The following NWD1 variants were observed in gnomAD, a reference collection of about 807,000 sequenced individuals.
NWD1 encodes the protein NACHT and WD repeat domain containing 1.
NWD1 carries 129 observed loss-of-function variants against 135.1 expected under a neutral mutation model. The ratio of observed to expected loss-of-function variants is 0.96; its 90% CI spans 0.83 to 1.11. The LOEUF (loss-of-function observed/expected upper bound fraction) is 1.11. Ranked by LOEUF, NWD1 falls within the 50% of genes least tolerant of loss-of-function variation. The pLI, the probability that NWD1 is intolerant of heterozygous loss-of-function variation, is 0.00. For synonymous variants in NWD1, 773 were observed against 786.0 expected (o/e 0.98, Z 0.28); for missense variants, 1,740 against 1,851.3 (o/e 0.94, Z 1.10).
intron 13 of NWD1, among the ~76,000 whole-genome samples, chr19:16,790,986 C>T (rs1378335892): frequency 1.3e-5 from 2 of 152,128 alleles, no homozygotes; most frequent in East Asian, 1.9e-4. Flanking sequence ...AATCCCAGCA[C>T]TTTGAGAGGC....
At chr19:16,721,311 T>C (rs2122648511) in intron 1 of NWD1, 1 of 152,060 alleles carries the variant, frequency 6.6e-6, no homozygotes, top group Admixed American at 6.6e-5. Context: ...CATACTGAGA[T>C]GGAGGAAGTC....
chr19:16,721,210 C>G (rs561696818), intron 1 of NWD1, among the ~76,000 whole-genome samples: 4 of 151,912 alleles, frequency 2.6e-5, no homozygotes, highest in African/African-American at 9.7e-5. Context: ...CTGTTGAAAT[C>G]TAGTGGGTGG....
intron 6 of NWD1, among the ~76,000 whole-genome samples, chr19:16,757,305 A>G (rs978047212): frequency 6.6e-6 from 1 of 152,226 alleles, no homozygotes; most frequent in South Asian, 2.1e-4. Context: ...TGCGAGCCCA[A>G]GAAACGCTGC....
At chr19:16,737,131 C>G (rs1390920216) in intron 4 of NWD1, among the ~76,000 whole-genome samples, 1 of 152,038 alleles carries the variant, frequency 6.6e-6, no homozygotes, top group Non-Finnish European at 1.5e-5. Flanking sequence ...TTTTTTTCCT[C>G]CATGTGCCCA....
intron 6 of NWD1, among the ~76,000 whole-genome samples, chr19:16,755,653 G>T (rs1308688161): frequency 6.6e-6 from 1 of 151,986 alleles, no homozygotes; most frequent in African/African-American, 2.4e-5. Context: ...CTCCCAAAGT[G>T]CTAGGATTAC....
At position 16,804,594 on chromosome 19, in the gene NWD1, G is replaced by GTTTTTT. The variant is rs561345788; in HGVS notation, c.3737-2986_3737-2981dup. ...TGGGCAACAGAGACCCTGTCTCTCT[G>GTTTTTT]TTTTTTTTTTTAATTTAAAGAAAGA... On this transcript the variant is annotated intron_variant, in intron 17 of 18. Transcript: ENST00000524140. Among the ~76,000 whole-genome samples the GTTTTTT allele has an allele frequency of 6.5e-3, 945 of 146,238 alleles. 3 individuals carry two copies. The highest frequency in any genetic ancestry group is 9.8e-3 in the Non-Finnish European group (650 of 66,120).
chr19:16,732,944 G>T (rs563093027), intron 3 of NWD1, among the ~76,000 whole-genome samples: 2 of 152,132 alleles, frequency 1.3e-5, no homozygotes, highest in African/African-American at 4.8e-5. Context: ...AGATGAGGCC[G>T]GGCACAGTGG....
intron 10 of NWD1, among the ~76,000 whole-genome samples, chr19:16,770,184 C>T (rs1969366430): frequency 6.6e-6 from 1 of 152,156 alleles, no homozygotes; most frequent in Non-Finnish European, 1.5e-5. Context: ...AATTGTATTT[C>T]CCATAATCCC....
intron 4 of NWD1, among the ~76,000 whole-genome samples, chr19:16,739,908 C>T (rs931726364): frequency 6.6e-6 from 1 of 151,930 alleles, no homozygotes; most frequent in Non-Finnish European, 1.5e-5. Context: ...TGTTTTTTAC[C>T]ACCTGTTTCC....
At chr19:16,795,231 C>A (rs1034890488) in intron 15 of NWD1, among the ~76,000 whole-genome samples, 1 of 152,188 alleles carries the variant, frequency 6.6e-6, no homozygotes, top group Non-Finnish European at 1.5e-5. Context: ...GAGCACTCAG[C>A]CCCTAGCAGG....
At chr19:16,802,726 C>T (rs1970639837) in intron 17 of NWD1, among the ~76,000 whole-genome samples, 1 of 151,982 alleles carries the variant, frequency 6.6e-6, no homozygotes, top group Non-Finnish European at 1.5e-5. Context: ...TGAGGCCGGG[C>T]CTGCTGGCTC....
At chr19:16,804,621 T>C (rs1970698591) in intron 17 of NWD1, among the ~76,000 whole-genome samples, 1 of 151,522 alleles carries the variant, frequency 6.6e-6, no homozygotes, top group Admixed American at 6.6e-5. Flanking sequence ...AAAGAAAGAA[T>C]AGAAATTTGT....
rs1046786350 is a variant in NWD1 at position 16,815,131 on chromosome 19, G to A, written c.*92G>A. 1 of 1,326,234 alleles carries A rather than the reference G, an allele frequency of 7.5e-7. No homozygotes were observed. Among genetic ancestry groups the A allele is most frequent in the Non-Finnish European group, 1.1e-6 (1 of 917,166 alleles). 82.2% of individuals were successfully genotyped at this position (1,326,234 alleles called of 1,614,324 possible). ...CCAGGCATGGTTATCTGATCCGAGA[G>A]AATTTCCAGTGCCTTTCAGCAAAAG... On this transcript the variant is annotated 3_prime_UTR_variant, in exon 19 of 19. Transcript: ENST00000524140.
intron 11 of NWD1, among the ~76,000 whole-genome samples, chr19:16,775,570 C>G (rs1969571113): frequency 1.3e-5 from 2 of 152,320 alleles, no homozygotes; most frequent in Admixed American, 6.5e-5. Context: ...AGGGCACGAC[C>G]TGGAAGCAGA....
In NWD1 at chr19:16,736,331, T is replaced by C. The variant is rs532325204; in HGVS notation, c.82-303T>C. On this transcript the variant is annotated intron_variant, in intron 3 of 18. Transcript: ENST00000524140. ...TGCAACCTCTGCCTTGTGGGCTCAA[T>C]TGATCCTCCTACCTCAGCCTCCCGA... 1.6e-3 allele frequency among the ~76,000 whole-genome samples: 248 copies of C among 152,002 alleles called. 2 individuals are homozygous for C. Among genetic ancestry groups the C allele is most frequent in the South Asian group, 9.6e-3 (46 of 4,798 alleles).
At chr19:16,764,366 TCC>T (rs1248876663) in intron 9 of NWD1, among the ~76,000 whole-genome samples, 11 of 50,130 alleles carry the variant, frequency 2.2e-4, no homozygotes, top group African/African-American at 9.6e-4. Flanking sequence ...CTTCTGTCCA[TCC>T]ATCCATCCAT....
At chr19:16,727,881 C>T (rs1051362335) in intron 2 of NWD1, among the ~76,000 whole-genome samples, 3 of 151,950 alleles carry the variant, frequency 2.0e-5, no homozygotes, top group Non-Finnish European at 4.4e-5. Context: ...GGCAACATGG[C>T]GAAACCCTGT....
chr19:16,811,597 A>G (rs560222360), intron 18 of NWD1, among the ~76,000 whole-genome samples: 84 of 151,836 alleles, frequency 5.5e-4, no homozygotes, highest in Non-Finnish European at 4.9e-4. Flanking sequence ...AAAAAAAAAA[A>G]AAAGAAAGAA....
At position 16,815,540 on chromosome 19, in the gene NWD1, A is replaced by C. The variant is rs1971045477; in HGVS notation, c.*501A>C. ...CAGACTTGCCACCCCCAGGTTAGCA[A>C]CATGGTGGCCAATATGCTGCTGTCT... On this transcript the variant is annotated 3_prime_UTR_variant, in exon 19 of 19. Coordinates refer to ENST00000524140, the MANE Select transcript of NWD1 (RefSeq NM_001007525.5). 2 of 530,846 alleles carry C rather than the reference A, an allele frequency of 3.8e-6. No homozygotes were observed. Among genetic ancestry groups the C allele is most frequent in the Non-Finnish European group, 6.7e-6 (2 of 300,266 alleles). The allele number at this position is 530,846 out of a possible 1,614,324, so 32.9% of individuals were successfully genotyped here. A position where few individuals can be genotyped will look rare whatever the true frequency, so the allele number is the denominator to read the frequency against.
Sources: gnomAD v4.1 joint callset for allele counts (sites outside exome capture counted in the v4.1 genomes callset) on GRCh38, gnomAD v4.1.1 for gene constraint, MANE v1.5 for transcripts, NCBI Gene and HGNC (gene_info 2026-07-23, HGNC 2026-07-21) for gene names.